Variants in TJAP1 observed in about 807,000 individuals in gnomAD.
TJAP1 encodes tight junction-associated protein 1.
Under a neutral mutation model 42.0 loss-of-function variants are expected in TJAP1, and 27 were observed. The observed-to-expected ratio is 0.64, with a 90% CI of 0.47 to 0.89. TJAP1 has a LOEUF of 0.89. Among genes scored for constraint, TJAP1 ranks in the 40% least tolerant of loss-of-function variants. TJAP1 has a pLI of 0.00. For missense variants in TJAP1, 712 were observed against 726.9 expected, an observed-to-expected ratio of 0.98 and a Z score of 0.24; for synonymous variants, 257 against 288.4, an observed-to-expected ratio of 0.89 and a Z score of 1.10.
chr6:43,496,486 G>C (rs1172675458), intron 2 of TJAP1, among the ~76,000 whole-genome samples: 1 of 152,208 alleles, frequency 6.6e-6, no homozygotes, highest in Non-Finnish European at 1.5e-5. Flanking sequence ...GTGCCCTGTG[G>C]GGACACGTTC....
intron 2 of TJAP1, among the ~76,000 whole-genome samples, chr6:43,493,035 A>G (rs189149205): frequency 2.0e-5 from 3 of 152,264 alleles, no homozygotes; most frequent in Admixed American, 6.5e-5. Context: ...ATTATTATTT[A>G]TTTATACCCT....
chr6:43,491,108 G>T lies in TJAP1; in HGVS notation c.-121-6773G>T, dbSNP rs1581977369. 6.6e-6 allele frequency among the ~76,000 whole-genome samples: 1 copy of T among 152,166 alleles called. No individual in the cohort carries two copies. The highest frequency in any genetic ancestry group is 6.5e-5 in the Admixed American group (1 of 15,276). The stretch of plus-strand genomic sequence containing the variant: ...AAGTGGATTCTGTTCCCCTTGGGCT[G>T]GGTGAGAGAAGGCAGCAGCCTACCA... On this transcript the variant is annotated intron_variant, in intron 2 of 10. Transcript: ENST00000372449. The surrounding 1 kb of genome is among the most constrained non-coding windows in gnomAD (Gnocchi z 4.6).
At chr6:43,494,211 CCT>C (rs1317549853) in intron 2 of TJAP1, among the ~76,000 whole-genome samples, 1 of 152,178 alleles carries the variant, frequency 6.6e-6, no homozygotes, top group Non-Finnish European at 1.5e-5. Context: ...AGCTATCACC[CCT>C]CTCTCCACCC....
At chr6:43,502,731 C>T (rs1791240133) in intron 8 of TJAP1, 114 bp downstream of exon 8, 1 of 1,205,860 alleles carries the variant, frequency 8.3e-7, no homozygotes, top group African/African-American at 1.5e-5. Flanking sequence ...CCGCTCCTTT[C>T]TCTTCCCTGT....
intron 4 of TJAP1, among the ~76,000 whole-genome samples, chr6:43,499,781 C>G (rs893114023): frequency 6.6e-6 from 1 of 152,256 alleles, no homozygotes; most frequent in African/African-American, 2.4e-5. Flanking sequence ...TGAGACGCAG[C>G]ATGTGCTGAG....
At chr6:43,483,479 TC>T (rs1272047550) in intron 2 of TJAP1, among the ~76,000 whole-genome samples, 1 of 152,238 alleles carries the variant, frequency 6.6e-6, no homozygotes, top group Non-Finnish European at 1.5e-5. Context: ...CTCCTCTTGG[TC>T]CCCTGCAGCA....
rs41281812 is a variant in TJAP1 at position 43,505,443 on chromosome 6, G to A, written c.1262G>A (p.Arg421His). The A allele has an allele frequency of 2.9e-5, 46 of 1,612,928 alleles. No homozygotes were observed. The highest frequency in any genetic ancestry group is 3.3e-4 in the Middle Eastern group (2 of 6,084). ...AGCTGGCAGCGGGCATTTGTGGACC[G>A]TACTCCACCACCTGCTGCTGTGGCC... Residue 421 changes from arginine to histidine, a missense_variant, in exon 11 of 11, where the codon CGT (arginine) becomes CAT (histidine). This residue lies in a region of TJAP1 where 549 missense variants were observed against 528.2 expected (regional missense o/e 1.04). Coordinates refer to ENST00000372449, the Ensembl canonical transcript of TJAP1. This position sits in a 1 kb window ranked among gnomAD's most constrained non-coding sequence, Gnocchi z 5.5.
chr6:43,487,929 G>C (rs1276755614), intron 2 of TJAP1, among the ~76,000 whole-genome samples: 1 of 151,204 alleles, frequency 6.6e-6, no homozygotes, highest in Non-Finnish European at 1.5e-5. Context: ...GAGTGCAATG[G>C]TGCCATCTCG....
At chr6:43,502,782 G>C (rs1489481317) in intron 8 of TJAP1, 165 bp downstream of exon 8, 2 of 804,460 alleles carry the variant, frequency 2.5e-6, no homozygotes, top group Non-Finnish European at 2.1e-6. Context: ...TCCCAGGAGA[G>C]AGGTGGGGAG....
rs1270324882 is a variant in TJAP1, at chr6:43,505,665, A to T, written c.1484A>T (p.Glu495Val). The T allele has an allele frequency of 1.9e-6, 3 of 1,609,714 alleles. No individual in the cohort carries two copies. The stretch of plus-strand genomic sequence containing the variant: ...AACCTGCCTATCAGTCCTGAGGAAG[A>T]GCGCCAGAGCCTGCTGCCCATTAAC... Residue 495 changes from glutamate (E) to valine (V), a missense_variant, in exon 11 of 11, where the codon GAG (glutamate) becomes GTG (valine). Glu to Val is a moderately radical substitution (Grantham distance 121). Coordinates refer to ENST00000372449, the Ensembl canonical transcript of TJAP1. The surrounding 1 kb of genome is among the most constrained non-coding windows in gnomAD (Gnocchi z 5.5).
At chr6:43,498,931 C>T in intron 3 of TJAP1, 47 bp from the exon 4 acceptor site, 1 of 1,587,872 alleles carries the variant, frequency 6.3e-7, no homozygotes, top group African/African-American at 1.3e-5. Flanking sequence ...AGTCCAGAGT[C>T]CTTCTGGCCA....
intron 6 of TJAP1, among the ~76,000 whole-genome samples, chr6:43,502,047 G>A (rs1220637753): frequency 4.5e-5 from 1 of 22,240 alleles, no homozygotes; most frequent in Non-Finnish European, 8.1e-5. Context: ...GGAATGCGGG[G>A]ACACACACAC....
intron 2 of TJAP1, among the ~76,000 whole-genome samples, chr6:43,486,429 C>G (rs146023508): frequency 6.7e-6 from 1 of 149,108 alleles, no homozygotes; most frequent in Non-Finnish European, 1.5e-5. Context: ...GATCCCTGCT[C>G]ACTGCAACCT....
intron 2 of TJAP1, among the ~76,000 whole-genome samples, chr6:43,488,490 G>A (rs1159408660): frequency 1.3e-5 from 2 of 152,216 alleles, no homozygotes; most frequent in Non-Finnish European, 2.9e-5. Flanking sequence ...ATATAACAGC[G>A]ATGTGGGCAT....
At position 43,495,881 on chromosome 6, in the gene TJAP1, G is replaced by A. The variant is rs1185758684; in HGVS notation, c.-121-2000G>A. ...TAGAGCCAGGGCTGCAGGGTGTGGA[G>A]TGAAGCAGCCTTCCCTACAGGATTG... On this transcript the variant is annotated intron_variant, in intron 2 of 10. Transcript: ENST00000372449. The surrounding 1 kb of genome is among the most constrained non-coding windows in gnomAD (Gnocchi z 4.6). 6.6e-6 allele frequency among the ~76,000 whole-genome samples: 1 copy of A among 152,180 alleles called. No homozygotes were observed. The highest frequency in any genetic ancestry group is 1.5e-5 in the Non-Finnish European group (1 of 68,024).
At chr6:43,500,925 T>C (rs1329384402) in intron 5 of TJAP1, 153 bp downstream of exon 5, 1 of 822,162 alleles carries the variant, frequency 1.2e-6, no homozygotes, top group Non-Finnish European at 2.0e-6. Context: ...AGTGTTGATG[T>C]TGTGGATATT....
rs149487305 is a variant in TJAP1 at position 43,503,217 on chromosome 6, A to G, written c.388-184A>G. 1,122 of 602,410 alleles carry G rather than the reference A, an allele frequency of 1.9e-3. 5 individuals carry two copies. The highest frequency in any genetic ancestry group is 8.9e-3 in the Middle Eastern group (20 of 2,248). 37.3% of individuals were successfully genotyped at this position (602,410 alleles called of 1,614,324 possible). The stretch of plus-strand genomic sequence containing the variant: ...CATGCTAAGAAAGCCCCCACCCCAC[A>G]GCCAGTCCAGAGAGCGGGAGAGATG... On this transcript the variant is annotated intron_variant, in intron 8 of 10. Transcript: ENST00000372449.
Position 43,505,293 on chromosome 6 carries a change from G to C in TJAP1, c.1112G>C (p.Arg371Pro). Residue 371 changes from arginine to proline, a missense_variant, in exon 11 of 11, where the codon CGC becomes CCC. Around this residue, in one of 3 missense-constraint regions of TJAP1, gnomAD observed 549 missense variants for 528.2 expected, o/e 1.04. Coordinates refer to ENST00000372449, the Ensembl canonical transcript of TJAP1. This position sits in a 1 kb window ranked among gnomAD's most constrained non-coding sequence, Gnocchi z 5.5. ...GTAGAGGAGGGGAGTGAGCGGGCCCGCCCCAGCCCAGTGCCCAGCACCCCT... is the reference window on the plus strand; with the variant it reads ...GTAGAGGAGGGGAGTGAGCGGGCCCCCCCCAGCCCAGTGCCCAGCACCCCT... 6.2e-7 allele frequency: 1 copy of C among 1,611,596 alleles called. No individual in the cohort carries two copies.
intron 5 of TJAP1, chr6:43,501,015 T>G (rs528945263): frequency 3.4e-4 from 185 of 542,536 alleles, no homozygotes; most frequent in Admixed American, 1.8e-3. Context: ...CTGAGGGCCC[T>G]GCTCTTCTTG....
Sources: allele counts gnomAD v4.1 joint callset (sites outside exome capture counted in the v4.1 genomes callset), GRCh38; gene constraint gnomAD v4.1.1; regional missense constraint gnomAD v4.1.1; non-coding constraint Gnocchi (gnomAD v3.1); transcripts MANE v1.5; gene names NCBI Gene and HGNC (gene_info 2026-07-23, HGNC 2026-07-21).